Variants in CPEB3 observed in about 807,000 individuals in gnomAD.
CPEB3 encodes cytoplasmic polyadenylation element-binding protein 3.
A neutral mutation model predicts 67.2 loss-of-function variants in CPEB3; 20 were observed. The observed-to-expected ratio is 0.30, with a 90% CI of 0.21 to 0.43. CPEB3 has a LOEUF of 0.43. Ranked by LOEUF, CPEB3 falls within the 20% of genes least tolerant of loss-of-function variation. The probability of loss-of-function intolerance (pLI) is 1.00; values close to 1 mark genes in which losing one functional copy is unlikely to be tolerated. For synonymous variants in CPEB3, 376 were observed against 393.1 expected, an observed-to-expected ratio of 0.96 and a Z score of 0.51; for missense variants, 746 against 968.6, an observed-to-expected ratio of 0.77 and a Z score of 3.05.
At chr10:92,140,159 A>G (rs1307603350) in intron 6 of CPEB3, among the ~76,000 whole-genome samples, 1 of 152,164 alleles carries the variant, frequency 6.6e-6, no homozygotes, top group Non-Finnish European at 1.5e-5. Flanking sequence ...ACCAAAAAAG[A>G]GCCCACATCG....
At chr10:92,200,545 C>CAAAAAA (rs57165866) in intron 2 of CPEB3, among the ~76,000 whole-genome samples, 5 of 54,546 alleles carry the variant, frequency 9.2e-5, no homozygotes, top group African/African-American at 2.4e-4. Flanking sequence ...AACTCCGTCT[C>CAAAAAA]AAAAAAAAAA....
chr10:92,289,471 A>G (rs1230496759), intron 1 of CPEB3, among the ~76,000 whole-genome samples: 1 of 150,590 alleles, frequency 6.6e-6, no homozygotes. Flanking sequence ...GAAGTCAGGA[A>G]GTGGAGCTTG....
chr10:92,068,575 A>G (rs1842641290), intron 9 of CPEB3, among the ~76,000 whole-genome samples: 1 of 152,186 alleles, frequency 6.6e-6, no homozygotes, highest in South Asian at 2.1e-4. Context: ...AAAAAAGGCA[A>G]TGGACTTTTT....
chr10:92,141,756 C>A (rs1211640992), intron 6 of CPEB3, among the ~76,000 whole-genome samples: 1 of 149,068 alleles, frequency 6.7e-6, no homozygotes, highest in East Asian at 1.9e-4. Flanking sequence ...TGGTGGCTCA[C>A]GCCTGTAATC....
chr10:92,053,426 C>G (rs566337714), intron 9 of CPEB3, among the ~76,000 whole-genome samples: 1 of 151,866 alleles, frequency 6.6e-6, no homozygotes, highest in Non-Finnish European at 1.5e-5. Context: ...TGCAGTGGTG[C>G]GATCTCGGCT....
chr10:92,227,338 A>G (rs1590449236), intron 2 of CPEB3, among the ~76,000 whole-genome samples: 1 of 152,220 alleles, frequency 6.6e-6, no homozygotes, highest in East Asian at 1.9e-4. Context: ...GGTCCCCTAT[A>G]TTTGTGTTAG....
intron 6 of CPEB3, chr10:92,136,818 C>T (rs1846123365): frequency 6.5e-6 from 1 of 152,794 alleles, no homozygotes; most frequent in African/African-American, 2.4e-5. Flanking sequence ...CTCAGCCTCT[C>T]AAAGTGCTGG....
At position 92,050,080 on chromosome 10, in the gene CPEB3, AT is replaced by A. The variant is rs1435483677; in HGVS notation, c.*2131del. ...TTTTTCCTTAAAAACAAAAAAAAAAATCTGCCAACTTTTGAAAACTGTCTAG... is the reference window on the plus strand; with the variant it reads ...TTTTTCCTTAAAAACAAAAAAAAAAACTGCCAACTTTTGAAAACTGTCTAG... On this transcript the variant is annotated 3_prime_UTR_variant, in exon 10 of 10. Coordinates refer to ENST00000265997, the MANE Select transcript of CPEB3 (RefSeq NM_014912.5). 6.6e-6 allele frequency: 1 copy of A among 152,430 alleles called. No individual in the cohort carries two copies. The highest frequency in any genetic ancestry group is 1.5e-5 in the Non-Finnish European group (1 of 68,014). The allele number at this position is 152,430 out of a possible 1,614,324, so 9.4% of individuals were successfully genotyped here. A position where few individuals can be genotyped will look rare whatever the true frequency, so the allele number is the denominator to read the frequency against.
At chr10:92,218,505 A>G (rs936845584) in intron 2 of CPEB3, among the ~76,000 whole-genome samples, 1 of 152,254 alleles carries the variant, frequency 6.6e-6, no homozygotes, top group Non-Finnish European at 1.5e-5. Context: ...TGGCCAATTG[A>G]AAATGTCTCC....
chr10:92,140,055 G>A lies in CPEB3; in HGVS notation c.1453+2974C>T, dbSNP rs1211585697. On this transcript the variant is annotated intron_variant, in intron 6 of 9. Transcript: ENST00000265997. ...CCATTGCACTCCAGCCTGGGCAACAGAGTGAGACTCTGTCTCAAAAAAAAA... is the reference window on the plus strand; with the variant it reads ...CCATTGCACTCCAGCCTGGGCAACAAAGTGAGACTCTGTCTCAAAAAAAAA... Among the ~76,000 whole-genome samples, 6 of 139,438 alleles carry A rather than the reference G, an allele frequency of 4.3e-5. 1 individual carries two copies. Among genetic ancestry groups the A allele is most frequent in the Non-Finnish European group, 9.2e-5 (6 of 65,372 alleles). 91.5% of individuals were successfully genotyped at this position (139,438 alleles called of 152,430 possible).
chr10:92,096,397 T>G (rs887206745), intron 7 of CPEB3, among the ~76,000 whole-genome samples: 3 of 152,050 alleles, frequency 2.0e-5, no homozygotes, highest in African/African-American at 7.2e-5. Flanking sequence ...ACCAATCCCT[T>G]ATGCAAACCT....
At chr10:92,212,565 C>T (rs1431516850) in intron 2 of CPEB3, among the ~76,000 whole-genome samples, 1 of 152,088 alleles carries the variant, frequency 6.6e-6, no homozygotes, top group Non-Finnish European at 1.5e-5. Context: ...AATATATCCT[C>T]ATTGTCCAAT....
At position 92,047,272 on chromosome 10, in the gene CPEB3, AAAAC is replaced by A. The variant is rs1017160679; in HGVS notation, c.*4936_*4939del. The A allele has an allele frequency of 2.0e-5, 3 of 152,100 alleles. No individual in the cohort carries two copies. The highest frequency in any genetic ancestry group is 6.6e-5 in the Admixed American group (1 of 15,252). The allele number at this position is 152,100 out of a possible 1,614,324, so 9.4% of individuals were successfully genotyped here. A position where few individuals can be genotyped will look rare whatever the true frequency, so the allele number is the denominator to read the frequency against. On this transcript the variant is annotated 3_prime_UTR_variant, in exon 10 of 10. Transcript: ENST00000265997. The stretch of plus-strand genomic sequence containing the variant: ...GTTTGGTTATTATAAAAGAAAAAAA[AAAAC>A]AAATGTTAGCTGACATACCATACAA...
intron 5 of CPEB3, 130 bp from the exon 6 acceptor site, chr10:92,143,248 G>T: frequency 1.7e-6 from 1 of 587,820 alleles, no homozygotes; most frequent in Non-Finnish European, 2.9e-6. Context: ...CATCTTTACG[G>T]AAGTGAAACC....
At chr10:92,192,769 T>A (rs1849045061) in intron 2 of CPEB3, 133 bp from the exon 3 acceptor site, 2 of 573,112 alleles carry the variant, frequency 3.5e-6, no homozygotes, top group African/African-American at 3.8e-5. Flanking sequence ...ACAGTCCTTC[T>A]TTTTATTTGT....
intron 8 of CPEB3, among the ~76,000 whole-genome samples, chr10:92,082,329 G>A (rs1843188350): frequency 1.3e-5 from 2 of 152,156 alleles, no homozygotes; most frequent in Non-Finnish European, 2.9e-5. Flanking sequence ...CTGTTGCCCA[G>A]GCTGGAGTGC....
chr10:92,210,693 G>T (rs1261690271), intron 2 of CPEB3, among the ~76,000 whole-genome samples: 1 of 152,176 alleles, frequency 6.6e-6, no homozygotes. Flanking sequence ...TTTGAATAAT[G>T]TTATAATTGT....
intron 7 of CPEB3, among the ~76,000 whole-genome samples, chr10:92,107,819 T>A (rs919414470): frequency 1.3e-5 from 2 of 152,218 alleles, no homozygotes; most frequent in African/African-American, 4.8e-5. Context: ...AATTAGGCCA[T>A]AAATACAGTT....
chr10:92,238,612 T>G (rs1851653276), intron 2 of CPEB3, among the ~76,000 whole-genome samples: 1 of 141,028 alleles, frequency 7.1e-6, no homozygotes, highest in Non-Finnish European at 1.5e-5. Context: ...CACGTCCTAT[T>G]GTCTCTTACC....
Sources: gnomAD v4.1 joint callset for allele counts (sites outside exome capture counted in the v4.1 genomes callset) on GRCh38, gnomAD v4.1.1 for gene constraint, MANE v1.5 for transcripts, NCBI Gene and HGNC (gene_info 2026-07-23, HGNC 2026-07-21) for gene names.